SLC7A10: variants seen among roughly 807,000 people sequenced by gnomAD.
The protein encoded by SLC7A10 is solute carrier family 7 member 10.
SLC7A10 carries 30 observed loss-of-function variants against 52.7 expected under a neutral mutation model. That is an observed-to-expected ratio of 0.57 (90% confidence interval 0.43 to 0.77). The LOEUF (loss-of-function observed/expected upper bound fraction) is 0.77. SLC7A10 is among the 30% of genes least tolerant of loss of function. The pLI is 0.00. For missense variants in SLC7A10, 581 were observed against 698.5 expected (o/e 0.83, Z 1.90); for synonymous variants, 318 against 314.9 (o/e 1.01, Z -0.10).
At chr19:33,212,805 G>C (rs369246352) in intron 3 of SLC7A10, 46 bp downstream of exon 3, 4 of 1,609,212 alleles carry the variant, frequency 2.5e-6, no homozygotes, top group Non-Finnish European at 3.4e-6. Flanking sequence ...GATGGAGCCC[G>C]GGCAGGTGGC....
intron 1 of SLC7A10, 74 bp downstream of exon 1, chr19:33,225,479 A>C (rs1974902215): frequency 6.5e-7 from 1 of 1,546,052 alleles, no homozygotes; most frequent in Non-Finnish European, 8.8e-7. Flanking sequence ...CGGAGAGGGG[A>C]CGCCCCTCGT....
chr19:33,210,968 A>C lies in SLC7A10; in HGVS notation c.1017-70T>G. 1 of 1,467,836 alleles carries C rather than the reference A, an allele frequency of 6.8e-7. No homozygotes were observed. The highest frequency in any genetic ancestry group is 9.5e-7 in the Non-Finnish European group (1 of 1,052,254). 90.9% of individuals were successfully genotyped at this position (1,467,836 alleles called of 1,614,324 possible). A position where few individuals can be genotyped will look rare whatever the true frequency, so the allele number is the denominator to read the frequency against. ...CAGCTTTGGACCTGATGTCCCTCTT[A>C]AGCTGTCGCCTCTGACCTCCTGCTC... On this transcript the variant is annotated intron_variant, in intron 7 of 10. Coordinates refer to ENST00000253188, the MANE Select transcript of SLC7A10 (RefSeq NM_019849.3). The surrounding 1 kb of genome is among the most constrained non-coding windows in gnomAD (Gnocchi z 5.6).
At chr19:33,223,693 T>G (rs1174024582) in intron 1 of SLC7A10, among the ~76,000 whole-genome samples, 1 of 152,138 alleles carries the variant, frequency 6.6e-6, no homozygotes, top group African/African-American at 2.4e-5. Flanking sequence ...AGACCACCAC[T>G]GAGTGCCCCG....
rs1244687699 is a variant in SLC7A10 at position 33,210,193 on chromosome 19, C to T, written c.1263+274G>A. ...AAACTCCTGGGCTCCAGCAATCCTC[C>T]CACCTCGGCCTCCCAAAGTGCTGGA... On this transcript the variant is annotated intron_variant, in intron 9 of 10. Transcript: ENST00000253188. The surrounding 1 kb of genome is among the most constrained non-coding windows in gnomAD (Gnocchi z 5.6). Among the ~76,000 whole-genome samples, 2 of 152,128 alleles carry T rather than the reference C, an allele frequency of 1.3e-5. No homozygotes were observed. The highest frequency in any genetic ancestry group is 6.5e-5 in the Admixed American group (1 of 15,276).
At chr19:33,217,942 C>T (rs963583149) in intron 1 of SLC7A10, 2 of 152,258 alleles carry the variant, frequency 1.3e-5, no homozygotes, top group African/African-American at 2.4e-5. Flanking sequence ...AGAAGCGCCT[C>T]TCTCATCTAG....
chr19:33,213,359 G>A (rs1974601397), intron 2 of SLC7A10, among the ~76,000 whole-genome samples: 1 of 151,736 alleles, frequency 6.6e-6, no homozygotes, highest in African/African-American at 2.4e-5. Context: ...CATGATCTCG[G>A]CTCACTGCAA....
chr19:33,218,625 T>C (rs4805030), intron 1 of SLC7A10, among the ~76,000 whole-genome samples: 92,841 of 132,072 alleles, frequency 0.7, 33,120 homozygotes, highest in Middle Eastern at 0.73. Context: ...TCCAATGCTC[T>C]AATGATTATA....
At position 33,212,300 on chromosome 19, in the gene SLC7A10, G is replaced by A. The variant is rs150158176; in HGVS notation, c.780C>T (p.Asp260=). ...FLNYVTEEMV[D]ARKNLPRAIF... ...TTGGGGGCCCCACTCACTTTCGGGC[G>A]TCAACCATCTCCTCGGTGACATAGT... Residue 260 remains aspartate (D), a synonymous_variant, in exon 5 of 11, where the codon GAC becomes GAT. Transcript: ENST00000253188. 5.2e-4 allele frequency: 841 copies of A among 1,607,114 alleles called. 1 individual carries two copies. The highest frequency in any genetic ancestry group is 7.1e-4 in the South Asian group (64 of 90,074).
Position 33,210,752 on chromosome 19 carries a change from C to G in SLC7A10, c.1113+50G>C. ...CCATTACCCGGAAGGTCCTGCATTG[C>G]CGGGTAGCCCTGCCTCCACGCCCTG... On this transcript the variant is annotated intron_variant, in intron 8 of 10. Transcript: ENST00000253188. This position sits in a 1 kb window ranked among gnomAD's most constrained non-coding sequence, Gnocchi z 5.6. The G allele has an allele frequency of 6.2e-7, 1 of 1,610,076 alleles. No homozygotes were observed. Among genetic ancestry groups the G allele is most frequent in the South Asian group, 1.1e-5 (1 of 91,020 alleles).
At chr19:33,216,059 A>G (rs1265228338) in intron 1 of SLC7A10, 86 bp from the exon 2 acceptor site, 3 of 1,271,336 alleles carry the variant, frequency 2.4e-6, no homozygotes, top group South Asian at 1.5e-5. Context: ...TGCTGCCAGG[A>G]GGAAGACAGC....
chr19:33,208,807 AAC>A lies in SLC7A10; in HGVS notation c.*82_*83del. On this transcript the variant is annotated 3_prime_UTR_variant, in exon 11 of 11. Transcript: ENST00000253188. The surrounding 1 kb of genome is among the most constrained non-coding windows in gnomAD (Gnocchi z 4.7). The stretch of plus-strand genomic sequence containing the variant: ...CTTTTTTCTTTTTTTTCCAGAAAAA[AAC>A]AAAACAAAACTTTTTTGCCAAAACA... 1 of 1,590,256 alleles carries A rather than the reference AAC, an allele frequency of 6.3e-7. No homozygotes were observed. Among genetic ancestry groups the A allele is most frequent in the Non-Finnish European group, 8.6e-7 (1 of 1,164,470 alleles).
intron 1 of SLC7A10, among the ~76,000 whole-genome samples, chr19:33,218,534 G>A (rs1474514465): frequency 1.3e-5 from 2 of 151,668 alleles, no homozygotes; most frequent in Non-Finnish European, 2.9e-5. Context: ...CATGAAGGAT[G>A]GGTGGGGCAC....
At position 33,225,728 on chromosome 19, in the gene SLC7A10, T is replaced by C; in HGVS notation, c.-25A>G. 1 of 1,494,392 alleles carries C rather than the reference T, an allele frequency of 6.7e-7. No individual in the cohort carries two copies. The highest frequency in any genetic ancestry group is 1.5e-5 in the African/African-American group (1 of 68,502). 92.6% of individuals were successfully genotyped at this position (1,494,392 alleles called of 1,614,324 possible). A position where few individuals can be genotyped will look rare whatever the true frequency, so the allele number is the denominator to read the frequency against. ...TGTCGCTGTCCCGCCGCGTCCCCGC[T>C]CCCTGCGCTGCCCCGTCTGTCCGGC... On this transcript the variant is annotated 5_prime_UTR_variant, in exon 1 of 11. Transcript: ENST00000253188.
At chr19:33,224,055 G>A (rs1033789659) in intron 1 of SLC7A10, among the ~76,000 whole-genome samples, 1 of 152,048 alleles carries the variant, frequency 6.6e-6, no homozygotes, top group East Asian at 1.9e-4. Flanking sequence ...ATGGGATGTG[G>A]GGAGGGGATA....
intron 1 of SLC7A10, among the ~76,000 whole-genome samples, chr19:33,218,382 C>T (rs1229816044): frequency 6.6e-6 from 1 of 152,142 alleles, no homozygotes; most frequent in Non-Finnish European, 1.5e-5. Context: ...CTCAAAGGAC[C>T]ACAGGCGTTA....
intron 6 of SLC7A10, 30 bp from the exon 7 acceptor site, chr19:33,211,358 T>A: frequency 6.2e-7 from 1 of 1,613,788 alleles, no homozygotes; most frequent in Non-Finnish European, 8.5e-7. Flanking sequence ...AGGCCATGTG[T>A]AAGGCCGGGG....
At chr19:33,214,094 C>T (rs1974617864) in intron 2 of SLC7A10, among the ~76,000 whole-genome samples, 1 of 152,154 alleles carries the variant, frequency 6.6e-6, no homozygotes, top group Non-Finnish European at 1.5e-5. Context: ...GTTCCGTGCC[C>T]AGGGATGAGG....
In SLC7A10 at chr19:33,225,758, C is replaced by G; in HGVS notation, c.-55G>C. The G allele has an allele frequency of 6.9e-7, 1 of 1,448,280 alleles. No homozygotes were observed. Among genetic ancestry groups the G allele is most frequent in the Non-Finnish European group, 9.0e-7 (1 of 1,106,970 alleles). 89.7% of individuals were successfully genotyped at this position (1,448,280 alleles called of 1,614,324 possible). A position where few individuals can be genotyped will look rare whatever the true frequency, so the allele number is the denominator to read the frequency against. On this transcript the variant is annotated 5_prime_UTR_variant, in exon 1 of 11. Transcript: ENST00000253188. ...GCGCTGCCCCGTCTGTCCGGCCGGCCGCCCGTCGGTCCGTCGGTCCGTGAG... is the reference window on the plus strand; with the variant it reads ...GCGCTGCCCCGTCTGTCCGGCCGGCGGCCCGTCGGTCCGTCGGTCCGTGAG...
At chr19:33,209,215 G>C in intron 10 of SLC7A10, 93 bp downstream of exon 10, 1 of 1,567,538 alleles carries the variant, frequency 6.4e-7, no homozygotes, top group Non-Finnish European at 8.7e-7. Flanking sequence ...TCAGCTGCTA[G>C]GACACCCTGC....
Sources: allele counts gnomAD v4.1 joint callset (sites outside exome capture counted in the v4.1 genomes callset), GRCh38; gene constraint gnomAD v4.1.1; non-coding constraint Gnocchi (gnomAD v3.1); transcripts MANE v1.5; gene names NCBI Gene and HGNC (gene_info 2026-07-23, HGNC 2026-07-21).